Variants in CPZ observed in about 807,000 individuals in gnomAD.
CPZ encodes VEZT/CPZ fusion.
In CPZ, 103 loss-of-function variants were observed where a neutral mutation model predicts 61.8. That is an observed-to-expected ratio of 1.67 (90% CI 1.42 to 1.96). CPZ has a LOEUF of 1.96. CPZ is among the 30% of genes most tolerant of loss of function. The probability of loss-of-function intolerance (pLI) is 0.00; values close to 1 mark genes in which losing one functional copy is unlikely to be tolerated. For synonymous variants in CPZ, 551 were observed against 373.7 expected (o/e 1.47, Z -5.47); for missense variants, 1,461 against 914.9 (o/e 1.60, Z -7.70).
intron 7 of CPZ, chr4:8,611,059 C>CTCACTCAT (rs925122591): frequency 1.1e-5 from 4 of 378,544 alleles, no homozygotes; most frequent in East Asian, 1.5e-4. Flanking sequence ...CATTCGCTCA[C>CTCACTCAT]TCACTCATTC....
rs1236699393 is a variant in CPZ, at chr4:8,601,424, C to T, written c.423C>T (p.Pro141=). 6.4e-7 allele frequency: 1 copy of T among 1,568,290 alleles called. No homozygotes were observed. Among genetic ancestry groups the T allele is most frequent in the Non-Finnish European group, 8.7e-7 (1 of 1,155,530 alleles). The change falls in exon 3 of 11, where the codon CCC becomes CCT. Residue 141 remains proline (P), a synonymous_variant. Coordinates refer to ENST00000360986, the MANE Select transcript of CPZ (RefSeq NM_001014447.3). ...TCGACGCCATTGACATGGCCTGGCC[C>T]TACTTCCTTGACTGCCACCGCTACT... The part of the protein sequence containing the change: ...PAFDAIDMAW[P]YFLDCHRYFT...
intron 7 of CPZ, chr4:8,611,332 G>C (rs1560300103): frequency 4.4e-6 from 2 of 450,996 alleles, no homozygotes; most frequent in Admixed American, 2.4e-5. Flanking sequence ...GACTCTGCCT[G>C]GGGGATGGGC....
At position 8,603,996 on chromosome 4, in the gene CPZ, G is replaced by A. The variant is rs754582163; in HGVS notation, c.517G>A (p.Ala173Thr). Reference sequence around the variant, plus strand: ...CCCAGGAGGCCTGGAGGCTGACGAGGCACTGCCCTCAGGGCTGCCGCCCAC... The same window carrying A: ...CCCAGGAGGCCTGGAGGCTGACGAGACACTGCCCTCAGGGCTGCCGCCCAC... The part of the protein sequence containing the change: ...KLRGGLEADE[A>T]LPSGLPPTFI... The change falls in exon 4 of 11, where the codon GCA becomes ACA. Residue 173 changes from alanine to threonine, a missense_variant. Coordinates refer to ENST00000360986, the MANE Select transcript of CPZ (RefSeq NM_001014447.3). The A allele has an allele frequency of 1.2e-6, 2 of 1,612,066 alleles. No individual in the cohort carries two copies. The highest frequency in any genetic ancestry group is 1.1e-5 in the South Asian group (1 of 91,076).
Position 8,619,551 on chromosome 4 carries a change from G to A in CPZ, c.1893G>A (p.Lys631=), listed in dbSNP as rs1174860926. Residue 631 remains lysine, a synonymous_variant, in exon 11 of 11, where the codon AAG becomes AAA. Coordinates refer to ENST00000360986, the MANE Select transcript of CPZ (RefSeq NM_001014447.3). The stretch of plus-strand genomic sequence containing the variant: ...GGCAGCCCTCGGCCGACGGGAGTAA[G>A]CCCTGGTGGTGGTCCTACTTCACAT... The part of the protein sequence containing the change: ...ARRQPSADGS[K]PWWWSYFTSL... 6.4e-7 allele frequency: 1 copy of A among 1,557,026 alleles called. No homozygotes were observed. The highest frequency in any genetic ancestry group is 1.4e-5 in the African/African-American group (1 of 73,368).
At chr4:8,604,695 C>T (rs1347814764) in intron 4 of CPZ, among the ~76,000 whole-genome samples, 7 of 152,188 alleles carry the variant, frequency 4.6e-5, no homozygotes, top group African/African-American at 1.7e-4. Context: ...GTTGGCCAGG[C>T]TAGTCTCGAA....
rs1241423816 is a variant in CPZ, at chr4:8,614,285, G to A, written c.1364-74G>A. 3 of 1,504,178 alleles carry A rather than the reference G, an allele frequency of 2.0e-6. No individual in the cohort carries two copies. The Middle Eastern group carries it at 6.8e-4, about 341-fold the overall frequency. The allele number at this position is 1,504,178 out of a possible 1,614,324, so 93.2% of individuals were successfully genotyped here. A position where few individuals can be genotyped will look rare whatever the true frequency, so the allele number is the denominator to read the frequency against. On this transcript the variant is annotated intron_variant, in intron 8 of 10. Transcript: ENST00000360986. The stretch of plus-strand genomic sequence containing the variant: ...CCGGCGTCCCGGCTGTCTCTGTGCG[G>A]CTGACACCCCTGACGTCCCGGCTGT...
At chr4:8,609,036 C>CCCATTCACTCACTCAT (rs1715299713) in intron 7 of CPZ, among the ~76,000 whole-genome samples, 2 of 145,470 alleles carry the variant, frequency 1.4e-5, no homozygotes, top group African/African-American at 5.2e-5. Flanking sequence ...CCTTCACTCA[C>CCCATTCACTCACTCAT]CCATTCACTC....
chr4:8,604,727 C>T (rs2109321857), intron 4 of CPZ, among the ~76,000 whole-genome samples: 1 of 152,300 alleles, frequency 6.6e-6, no homozygotes, highest in Non-Finnish European at 1.5e-5. Flanking sequence ...AAGTGATCCG[C>T]CCAGCTCGGC....
At chr4:8,609,025 TC>T (rs1715296745) in intron 7 of CPZ, among the ~76,000 whole-genome samples, 1 of 150,792 alleles carries the variant, frequency 6.6e-6, no homozygotes, top group South Asian at 2.1e-4. Flanking sequence ...ATTAACTCAC[TC>T]CTTCACTCAC....
Position 8,619,568 on chromosome 4 carries a change from A to C in CPZ, c.1910A>C (p.Tyr637Ser). The change falls in exon 11 of 11, where the codon TAC becomes TCC. Residue 637 changes from tyrosine (Y) to serine (S), a missense_variant. By Grantham distance (144) the Tyr-to-Ser change is moderately radical. Coordinates refer to ENST00000360986, the MANE Select transcript of CPZ (RefSeq NM_001014447.3). ...ADGSKPWWWS[Y>S]FTSLSTHRPR... The stretch of plus-strand genomic sequence containing the variant: ...GGGAGTAAGCCCTGGTGGTGGTCCT[A>C]CTTCACATCGCTGAGCACCCACAGG... The C allele has an allele frequency of 1.3e-6, 2 of 1,537,774 alleles. No homozygotes were observed. Among genetic ancestry groups the C allele is most frequent in the African/African-American group, 2.8e-5 (2 of 72,686 alleles).
Position 8,606,042 on chromosome 4 carries a change from C to A in CPZ, c.763C>A (p.Arg255=), listed in dbSNP as rs766742485. ...GNIHGNEVAG[R]EMLIYLAQYL... ...CATTCATGGCAACGAGGTGGCGGGC[C>A]GGGAGATGCTCATCTACCTAGCCCA... is the stretch of plus-strand genomic sequence containing the variant. The change falls in exon 5 of 11, where the codon CGG becomes AGG. Residue 255 remains arginine (R), a synonymous_variant. Coordinates refer to ENST00000360986, the MANE Select transcript of CPZ (RefSeq NM_001014447.3). The A allele has an allele frequency of 1.2e-6, 2 of 1,614,016 alleles. No homozygotes were observed. Among genetic ancestry groups the A allele is most frequent in the Non-Finnish European group, 1.7e-6 (2 of 1,180,008 alleles).
In CPZ at chr4:8,606,056, CTACCTAGCCCAG is replaced by C; in HGVS notation, c.783_794del (p.Ala262_Leu265del). 4 of 1,614,180 alleles carry C rather than the reference CTACCTAGCCCAG, an allele frequency of 2.5e-6. No individual in the cohort carries two copies. The highest frequency in any genetic ancestry group is 3.4e-6 in the Non-Finnish European group (4 of 1,180,000). On this transcript the variant is annotated inframe_deletion, in exon 5 of 11. Coordinates refer to ENST00000360986, the MANE Select transcript of CPZ (RefSeq NM_001014447.3). ...AGGTGGCGGGCCGGGAGATGCTCAT[CTACCTAGCCCAG>C]TACCTGTGCTCTGAGTACCTGCTTG...
At chr4:8,619,189 T>C (rs79904859) in intron 10 of CPZ, 73 bp from the exon 11 acceptor site, 14 of 1,339,548 alleles carry the variant, frequency 1.0e-5, no homozygotes, top group Middle Eastern at 2.0e-4. Context: ...TCCCCACTCA[T>C]ATCCATCACC....
At chr4:8,598,837 CCA>C (rs1033223771) in intron 1 of CPZ, among the ~76,000 whole-genome samples, 5 of 152,208 alleles carry the variant, frequency 3.3e-5, no homozygotes, top group African/African-American at 7.2e-5. Flanking sequence ...CCTCGAAACC[CCA>C]CGATTGTGAG....
At chr4:8,614,143 T>TG (rs1419996795) in intron 8 of CPZ, among the ~76,000 whole-genome samples, 1 of 152,236 alleles carries the variant, frequency 6.6e-6, no homozygotes, top group Admixed American at 6.5e-5. Context: ...ACCTTGCAGT[T>TG]GTTCAGCCCC....
At chr4:8,603,646 T>G in intron 3 of CPZ, 1 of 348,684 alleles carries the variant, frequency 2.9e-6, no homozygotes, top group Non-Finnish European at 5.2e-6. Flanking sequence ...CCAGCAGGGG[T>G]TTGCCTTGGG....
chr4:8,605,322 T>TCATCCATCTATCCATCCATCCATC (rs1553876713), intron 4 of CPZ, among the ~76,000 whole-genome samples: 46 of 150,094 alleles, frequency 3.1e-4, no homozygotes, highest in African/African-American at 1.0e-3. Context: ...ATTCATTTAT[T>TCATCCATCTATCCATCCATCCATC]CATCCATCCA....
chr4:8,594,239 A>G (rs1013410889), intron 1 of CPZ, among the ~76,000 whole-genome samples: 1 of 152,128 alleles, frequency 6.6e-6, no homozygotes, highest in Admixed American at 6.5e-5. Flanking sequence ...TGTGGAAGTC[A>G]AGGACGTTTC....
At chr4:8,615,093 G>C (rs3775881) in intron 9 of CPZ, among the ~76,000 whole-genome samples, 32,920 of 151,928 alleles carry the variant, frequency 0.22, 4,397 homozygotes, top group Non-Finnish European at 0.3. Context: ...GCCTCAGAGT[G>C]AAGGGTATAG....
Sources: allele counts gnomAD v4.1 joint callset (sites outside exome capture counted in the v4.1 genomes callset), GRCh38; gene constraint gnomAD v4.1.1; transcripts MANE v1.5; gene names NCBI Gene and HGNC (gene_info 2026-07-23, HGNC 2026-07-21).